Variants in SERPINA10 observed in about 807,000 individuals in gnomAD.
SERPINA10 encodes serpin family A member 10, also known as protein Z-dependent protease inhibitor.
In SERPINA10, 24 loss-of-function variants were observed where a neutral mutation model predicts 28.0. That is an observed-to-expected ratio of 0.86 (90% CI 0.62 to 1.20). SERPINA10 has a LOEUF of 1.20. Ranked by LOEUF, SERPINA10 falls within the 50% of genes most tolerant of loss-of-function variation. The pLI is 0.00. For missense variants in SERPINA10, 521 were observed against 537.7 expected (o/e 0.97, Z 0.31); for synonymous variants, 207 against 203.9 (o/e 1.02, Z -0.13).
At chr14:94,288,584 T>C (rs767915135) in intron 2 of SERPINA10, 25 bp from the exon 3 acceptor site, 3 of 1,613,936 alleles carry the variant, frequency 1.9e-6, no homozygotes, top group East Asian at 4.5e-5. Flanking sequence ...GAAGAACTCA[T>C]TGCAGAAATT....
At chr14:94,285,440 A>ACT (rs56382462) in intron 4 of SERPINA10, among the ~76,000 whole-genome samples, 1,786 of 143,786 alleles carry the variant, frequency 0.012, 15 homozygotes, top group Non-Finnish European at 0.019. Flanking sequence ...AAGTTACAGG[A>ACT]CTCTCTCTCT....
chr14:94,283,875 C>G lies in SERPINA10; in HGVS notation c.*90G>C. On this transcript the variant is annotated 3_prime_UTR_variant, in exon 5 of 5. Transcript: ENST00000261994. ...TAGTTAAGAACAAAAGGAACACTCT[C>G]CCCTGCCATCCATTGCTGGTATCCT... is the stretch of plus-strand genomic sequence containing the variant. 1 of 1,282,638 alleles carries G rather than the reference C, an allele frequency of 7.8e-7. No individual in the cohort carries two copies. Among genetic ancestry groups the G allele is most frequent in the Admixed American group, 1.7e-5 (1 of 59,400 alleles). The allele number at this position is 1,282,638 out of a possible 1,614,324, so 79.5% of individuals were successfully genotyped here. A position where few individuals can be genotyped will look rare whatever the true frequency, so the allele number is the denominator to read the frequency against.
intron 1 of SERPINA10, 199 bp downstream of exon 1, chr14:94,292,990 C>T (rs1463807776): frequency 2.8e-6 from 1 of 359,492 alleles, no homozygotes; most frequent in African/African-American, 2.0e-5. Flanking sequence ...AGAGGAGCCC[C>T]TTGTGTCTAT....
Position 94,281,435 on chromosome 14 carries a change from C to CAA in SERPINA10, c.*2528_*2529dup, listed in dbSNP as rs1555362253. On this transcript the variant is annotated 3_prime_UTR_variant, in exon 5 of 5. Transcript: ENST00000261994. ...TGGGTGACAGAGCAAGACTCTGTCT[C>CAA]AAAACAAAAACAAAAACAAAAACAA... The CAA allele has an allele frequency of 2.0e-5, 3 of 152,058 alleles. No individual in the cohort carries two copies. Among genetic ancestry groups the CAA allele is most frequent in the Non-Finnish European group, 4.4e-5 (3 of 68,190 alleles). 9.4% of individuals were successfully genotyped at this position (152,058 alleles called of 1,614,324 possible).
intron 1 of SERPINA10, among the ~76,000 whole-genome samples, chr14:94,292,020 G>A (rs1226327932): frequency 6.6e-6 from 1 of 152,366 alleles, no homozygotes; most frequent in African/African-American, 2.4e-5. Context: ...TGGCAAGCCT[G>A]CATTCAACAG....
chr14:94,288,313 T>C lies in SERPINA10; in HGVS notation c.965A>G (p.Glu322Gly). 6.2e-7 allele frequency: 1 copy of C among 1,614,100 alleles called. No homozygotes were observed. Residue 322 changes from glutamate to glycine, a missense_variant, in exon 3 of 5, where the codon GAG becomes GGG. Transcript: ENST00000261994. ...LEDYLTTDLV[E>G]TWLRNMKTRN... is the part of the protein sequence containing the mutation. ...GGTTTTCATGTTTCTGAGCCATGTC[T>C]CCACCAAGTCTGTGGTCAGGTAGTC...
chr14:94,291,164 A>AT lies in SERPINA10; in HGVS notation c.-50-522dup, dbSNP rs1475278089. ...GGGGAAAGTATTGGAGCTTTCCTGG[A>AT]TTTTTTATCAAAATTCTCTTTGCAC... On this transcript the variant is annotated intron_variant, in intron 1 of 4. Transcript: ENST00000261994. Among the ~76,000 whole-genome samples the AT allele has an allele frequency of 3.9e-5, 6 of 152,154 alleles. No homozygotes were observed. The East Asian group carries it at 5.8e-4, about 15-fold the overall frequency.
Position 94,283,763 on chromosome 14 carries a change from AC to A in SERPINA10, c.*201del, listed in dbSNP as rs891931506. On this transcript the variant is annotated 3_prime_UTR_variant, in exon 5 of 5. Transcript: ENST00000261994. Reference sequence around the variant, plus strand: ...ATATATATAAGGTTCAGCACTGTCCACCGTTTCAGGCATCTGCTGGGGGTCT... The same window carrying A: ...ATATATATAAGGTTCAGCACTGTCCACGTTTCAGGCATCTGCTGGGGGTCT... The A allele has an allele frequency of 4.9e-6, 3 of 614,660 alleles. No homozygotes were observed. The African/African-American group carries it at 5.5e-5, about 11-fold the overall frequency. The allele number at this position is 614,660 out of a possible 1,614,324, so 38.1% of individuals were successfully genotyped here.
At chr14:94,285,518 C>T (rs1259598464) in intron 4 of SERPINA10, among the ~76,000 whole-genome samples, 1 of 149,988 alleles carries the variant, frequency 6.7e-6, no homozygotes, top group Non-Finnish European at 1.5e-5. Flanking sequence ...TATATATATA[C>T]ACACACACAT....
intron 4 of SERPINA10, among the ~76,000 whole-genome samples, chr14:94,284,372 A>G (rs1387598338): frequency 6.6e-6 from 1 of 152,186 alleles, no homozygotes; most frequent in African/African-American, 2.4e-5. Flanking sequence ...CAGGAACCCA[A>G]TGTGAAGTAT....
intron 4 of SERPINA10, among the ~76,000 whole-genome samples, chr14:94,284,501 T>G (rs969287901): frequency 1.3e-5 from 2 of 152,164 alleles, no homozygotes; most frequent in African/African-American, 4.8e-5. Context: ...TCCTAAAAGG[T>G]TTTCAAGCTG....
intron 4 of SERPINA10, 134 bp from the exon 5 acceptor site, chr14:94,284,290 C>A (rs927368586): frequency 2.5e-6 from 2 of 815,622 alleles, no homozygotes; most frequent in African/African-American, 3.4e-5. Flanking sequence ...GCAGGCCCAT[C>A]TACGTTAAGA....
At position 94,282,720 on chromosome 14, in the gene SERPINA10, T is replaced by G. The variant is rs1015835329; in HGVS notation, c.*1245A>C. 1.3e-5 allele frequency: 2 copies of G among 152,240 alleles called. No individual in the cohort carries two copies. Among genetic ancestry groups the G allele is most frequent in the Non-Finnish European group, 2.9e-5 (2 of 68,054 alleles). 9.4% of individuals were successfully genotyped at this position (152,240 alleles called of 1,614,324 possible). On this transcript the variant is annotated 3_prime_UTR_variant, in exon 5 of 5. Transcript: ENST00000261994. ...GTAAGGGCCCATGAAGGTGTTTTGCTTATTGCCATATGCTAGACATATAAC... is the reference window on the plus strand; with the variant it reads ...GTAAGGGCCCATGAAGGTGTTTTGCGTATTGCCATATGCTAGACATATAAC...
At position 94,283,843 on chromosome 14, in the gene SERPINA10, CCTAAA is replaced by C; in HGVS notation, c.*117_*121del. On this transcript the variant is annotated 3_prime_UTR_variant, in exon 5 of 5. Coordinates refer to ENST00000261994, the MANE Select transcript of SERPINA10 (RefSeq NM_001100607.3). ...GACTACTGTATTTATTTGAGAACAC[CCTAAA>C]CTAGTTAAGAACAAAAGGAACACTC... The C allele has an allele frequency of 1.0e-6, 1 of 988,066 alleles. No individual in the cohort carries two copies. Among genetic ancestry groups the C allele is most frequent in the Non-Finnish European group, 1.6e-6 (1 of 629,454 alleles). The allele number at this position is 988,066 out of a possible 1,614,324, so 61.2% of individuals were successfully genotyped here.
intron 3 of SERPINA10, among the ~76,000 whole-genome samples, chr14:94,288,000 G>A (rs1368622212): frequency 6.6e-6 from 1 of 152,026 alleles, no homozygotes; most frequent in East Asian, 1.9e-4. Flanking sequence ...GCTGCATGAG[G>A]GCAGACTAAT....
Position 94,290,217 on chromosome 14 carries a change from C to G in SERPINA10, c.377G>C (p.Arg126Thr), listed in dbSNP as rs764929277. The change falls in exon 2 of 5, where the codon AGA (arginine) becomes ACA (threonine). Residue 126 changes from arginine (R) to threonine (T), a missense_variant. Transcript: ENST00000261994. ...CTTCAGGGCCTGCAAGTGGAGCCCT[C>G]TCTTGATCTGGGTTTCAGTCGGCCC... ...ATGPTETQIKRGLHLQALKPT... is the reference protein window; with the variant it reads ...ATGPTETQIKTGLHLQALKPT... 1.2e-6 allele frequency: 2 copies of G among 1,613,720 alleles called. No individual in the cohort carries two copies. Among genetic ancestry groups the G allele is most frequent in the Non-Finnish European group, 1.7e-6 (2 of 1,179,730 alleles).
In SERPINA10 at chr14:94,283,149, T is replaced by A. The variant is rs1894937808; in HGVS notation, c.*816A>T. 1 of 152,214 alleles carries A rather than the reference T, an allele frequency of 6.6e-6. No homozygotes were observed. Among genetic ancestry groups the A allele is most frequent in the African/African-American group, 2.4e-5 (1 of 41,450 alleles). The allele number at this position is 152,214 out of a possible 1,614,324, so 9.4% of individuals were successfully genotyped here. On this transcript the variant is annotated 3_prime_UTR_variant, in exon 5 of 5. Transcript: ENST00000261994. ...ACTCAAGGAGAATGTTTACATGTGT[T>A]CCTCCCAAAGGCTTTATCTTGACAT...
chr14:94,285,026 G>A (rs1406393482), intron 4 of SERPINA10, among the ~76,000 whole-genome samples: 1 of 152,138 alleles, frequency 6.6e-6, no homozygotes, highest in Non-Finnish European at 1.5e-5. Context: ...CTCTCTTGAG[G>A]TTGTAAGACC....
intron 2 of SERPINA10, 113 bp downstream of exon 2, chr14:94,289,763 A>G (rs1005839676): frequency 2.4e-5 from 29 of 1,209,460 alleles, no homozygotes; most frequent in Admixed American, 2.0e-4. Flanking sequence ...AAACGTGAAA[A>G]CACATTCATA....
Sources: gnomAD v4.1 joint callset for allele counts (sites outside exome capture counted in the v4.1 genomes callset) on GRCh38, gnomAD v4.1.1 for gene constraint, MANE v1.5 for transcripts, NCBI Gene and HGNC (gene_info 2026-07-23, HGNC 2026-07-21) for gene names.